The following ARHGEF3 variants were observed in gnomAD, a reference collection of about 807,000 sequenced individuals.
ARHGEF3 encodes 59.8 kDA protein.
Under a neutral mutation model 63.2 loss-of-function variants are expected in ARHGEF3, and 28 were observed. That is an observed-to-expected ratio of 0.44 (90% CI 0.33 to 0.61). The LOEUF (loss-of-function observed/expected upper bound fraction) is 0.61, where lower values mean the gene tolerates loss of function less well. Ranked by LOEUF, ARHGEF3 falls within the 20% of genes least tolerant of loss-of-function variation. The probability of loss-of-function intolerance (pLI) is 0.03; values close to 1 mark genes in which losing one functional copy is unlikely to be tolerated. For missense variants in ARHGEF3, 533 were observed against 659.3 expected, an observed-to-expected ratio of 0.81 and a Z score of 2.10; for synonymous variants, 266 against 254.2, an observed-to-expected ratio of 1.05 and a Z score of -0.44.
intron 1 of ARHGEF3, among the ~76,000 whole-genome samples, chr3:57,069,415 T>TCACACACACACACA (rs1560176738): frequency 7.6e-6 from 1 of 131,304 alleles, no homozygotes; most frequent in African/African-American, 3.0e-5. Flanking sequence ...ACACACATTG[T>TCACACACACACACA]TTGTTTAAAA....
intron 9 of ARHGEF3, among the ~76,000 whole-genome samples, chr3:56,730,825 G>A (rs111581954): frequency 0.015 from 2,336 of 152,282 alleles, 32 homozygotes; most frequent in South Asian, 0.036. Context: ...CACTTCCAAT[G>A]GCTTAGAGGC....
At chr3:56,873,756 T>C (rs1371650373) in intron 4 of ARHGEF3, among the ~76,000 whole-genome samples, 1 of 152,138 alleles carries the variant, frequency 6.6e-6, no homozygotes, top group Non-Finnish European at 1.5e-5. Context: ...AGGGCATTGT[T>C]ACGATTTCTG....
chr3:57,063,198 G>A (rs1289590041), intron 1 of ARHGEF3, among the ~76,000 whole-genome samples: 3 of 152,204 alleles, frequency 2.0e-5, no homozygotes, highest in Admixed American at 1.3e-4. Flanking sequence ...GCATGGAGGT[G>A]ATGTGGCTAG....
chr3:56,965,191 G>C (rs1434014999), intron 2 of ARHGEF3, among the ~76,000 whole-genome samples: 1 of 152,168 alleles, frequency 6.6e-6, no homozygotes, highest in African/African-American at 2.4e-5. Context: ...GGAGTTCAAG[G>C]CTGCAGTCAG....
chr3:56,946,640 T>C (rs1699514887), intron 3 of ARHGEF3, among the ~76,000 whole-genome samples: 1 of 152,144 alleles, frequency 6.6e-6, no homozygotes, highest in African/African-American at 2.4e-5. Context: ...AAAGACCAAT[T>C]CTACGTCTGG....
At chr3:56,889,478 T>C (rs893531971) in intron 3 of ARHGEF3, among the ~76,000 whole-genome samples, 3 of 152,178 alleles carry the variant, frequency 2.0e-5, no homozygotes, top group African/African-American at 4.8e-5. Context: ...CCAAGGACTA[T>C]GCTCTCAGTT....
rs1479684368 is a variant in ARHGEF3 at position 56,740,539 on chromosome 3, C to G, written c.871-3184G>C. Among the ~76,000 whole-genome samples, 6 of 152,206 alleles carry G rather than the reference C, an allele frequency of 3.9e-5. 1 individual carries two copies. The highest frequency in any genetic ancestry group is 1.4e-4 in the African/African-American group (6 of 41,448). On this transcript the variant is annotated intron_variant, in intron 7 of 9. Transcript: ENST00000296315. ...TATACTAAAGCCATGACTCATCCTT[C>G]AAATTACTTTAACTGTTTATTGAGA...
At chr3:56,787,374 T>C (rs11130548) in intron 1 of ARHGEF3, among the ~76,000 whole-genome samples, 36,038 of 151,960 alleles carry the variant, frequency 0.24, 5,959 homozygotes, top group African/African-American at 0.48. Context: ...TGCCTACTCA[T>C]AGACTCTAGC....
At chr3:56,785,076 C>T (rs199748191) in intron 1 of ARHGEF3, among the ~76,000 whole-genome samples, 1 of 152,160 alleles carries the variant, frequency 6.6e-6, no homozygotes, top group East Asian at 1.9e-4. Context: ...CTTCTATTCC[C>T]TGCAGCACTG....
At chr3:57,065,287 C>T (rs970893829) in intron 1 of ARHGEF3, among the ~76,000 whole-genome samples, 5 of 152,100 alleles carry the variant, frequency 3.3e-5, no homozygotes, top group African/African-American at 9.7e-5. Context: ...CATGGTGAAA[C>T]CCTATCTCTA....
intron 1 of ARHGEF3, among the ~76,000 whole-genome samples, chr3:57,037,690 C>G (rs1037897389): frequency 1.3e-5 from 2 of 152,142 alleles, no homozygotes; most frequent in South Asian, 2.1e-4. Context: ...CTGGCTAACA[C>G]GGTGAAAACC....
At chr3:56,862,724 T>C (rs1045590603) in intron 4 of ARHGEF3, among the ~76,000 whole-genome samples, 14 of 152,286 alleles carry the variant, frequency 9.2e-5, no homozygotes, top group South Asian at 4.1e-4. Context: ...CACTCCTCCA[T>C]TGGAAAATGT....
intron 7 of ARHGEF3, among the ~76,000 whole-genome samples, chr3:56,739,072 G>A (rs564026118): frequency 3.3e-5 from 5 of 152,214 alleles, no homozygotes; most frequent in African/African-American, 1.2e-4. Flanking sequence ...TTCAGCCTGG[G>A]TGACAGAGCA....
intron 2 of ARHGEF3, among the ~76,000 whole-genome samples, chr3:56,991,411 G>A (rs950415332): frequency 2.0e-5 from 3 of 151,926 alleles, no homozygotes; most frequent in Non-Finnish European, 4.4e-5. Flanking sequence ...ACTTTTCAAA[G>A]TCATCTATCT....
intron 3 of ARHGEF3, among the ~76,000 whole-genome samples, chr3:56,910,269 C>A (rs559419263): frequency 6.6e-6 from 1 of 152,202 alleles, no homozygotes; most frequent in South Asian, 2.1e-4. Flanking sequence ...ATGTTCCATT[C>A]AAAGAAGATA....
chr3:56,800,974 C>T (rs1162147724), intron 1 of ARHGEF3, among the ~76,000 whole-genome samples: 1 of 152,258 alleles, frequency 6.6e-6, no homozygotes, highest in African/African-American at 2.4e-5. Flanking sequence ...AAAAGGCAGA[C>T]TAAACATAAC....
At chr3:56,949,723 T>G (rs1699705568) in intron 3 of ARHGEF3, among the ~76,000 whole-genome samples, 1 of 151,992 alleles carries the variant, frequency 6.6e-6, no homozygotes, top group African/African-American at 2.4e-5. Context: ...ATTTATAGAT[T>G]CAATGCCATC....
chr3:56,918,690 G>A (rs141457583), intron 3 of ARHGEF3, among the ~76,000 whole-genome samples: 58 of 152,300 alleles, frequency 3.8e-4, no homozygotes, highest in African/African-American at 1.1e-3. Flanking sequence ...ACTTCAAGAG[G>A]AGAATTTCAA....
chr3:56,935,976 GA>G (rs1698883177), intron 3 of ARHGEF3, among the ~76,000 whole-genome samples: 1 of 152,340 alleles, frequency 6.6e-6, no homozygotes, highest in South Asian at 2.1e-4. Context: ...GTGAGTGACA[GA>G]TCCATTTGAC....
Sources: gnomAD v4.1 joint callset for allele counts (sites outside exome capture counted in the v4.1 genomes callset) on GRCh38, gnomAD v4.1.1 for gene constraint, MANE v1.5 for transcripts, NCBI Gene and HGNC (gene_info 2026-07-23, HGNC 2026-07-21) for gene names.